ATP8B2: variants seen among roughly 807,000 people sequenced by gnomAD.
The protein encoded by ATP8B2 is ATPase phospholipid transporting 8B2.
In ATP8B2, 70 loss-of-function variants were observed where a neutral mutation model predicts 133.4. The ratio of observed to expected loss-of-function variants is 0.52; its 90% CI spans 0.43 to 0.64. The LOEUF (loss-of-function observed/expected upper bound fraction) is 0.64, where lower values mean the gene tolerates loss of function less well. Among genes scored for constraint, ATP8B2 ranks in the 30% least tolerant of loss-of-function variants. The pLI is 0.00. For missense variants in ATP8B2, 1,101 were observed against 1,535.7 expected, an observed-to-expected ratio of 0.72 and a Z score of 4.73; for synonymous variants, 517 against 589.5, an observed-to-expected ratio of 0.88 and a Z score of 1.78.
At chr1:154,341,257 G>A in intron 13 of ATP8B2, 195 bp downstream of exon 13, 4 of 662,346 alleles carry the variant, frequency 6.0e-6, no homozygotes, top group South Asian at 3.3e-5. Flanking sequence ...GGCTGAGGTG[G>A]GAGGATTGCT....
At chr1:154,341,864 C>A (rs922897431) in intron 13 of ATP8B2, 3 of 153,698 alleles carry the variant, frequency 2.0e-5, no homozygotes, top group Admixed American at 1.9e-4. Context: ...CTGGTCTCAG[C>A]TCCAGGAATT....
Position 154,343,322 on chromosome 1 carries a change from C to T in ATP8B2, c.1642+21C>T. On this transcript the variant is annotated intron_variant, in intron 16 of 27. Transcript: ENST00000368489. This position sits in a 1 kb window ranked among gnomAD's most constrained non-coding sequence, Gnocchi z 5.8. ...CATAGGTGAGGCCAGGCCTGGGGTG[C>T]TGGGGCGTTTGGGGACAGCATTCAG... 6.2e-7 allele frequency: 1 copy of T among 1,612,476 alleles called. No homozygotes were observed. The highest frequency in any genetic ancestry group is 8.5e-7 in the Non-Finnish European group (1 of 1,178,992).
Position 154,343,115 on chromosome 1 carries a change from G to A in ATP8B2, c.1456G>A (p.Glu486Lys). The change falls in exon 16 of 28, where the codon GAG becomes AAG. Residue 486 changes from glutamate to lysine, a missense_variant and splice_region_variant. Physicochemically the swap from Glu to Lys is moderately conservative, Grantham distance 56. Transcript: ENST00000368489. The surrounding 1 kb of genome is among the most constrained non-coding windows in gnomAD (Gnocchi z 5.8). ...GTGTATTCTTCCTCCCCACCCAGGA[G>A]AGCTGTACTACAAAGCTCAGTCCCC... ...TVMSEEKNEG[E>K]LYYKAQSPDE... 1.9e-6 allele frequency: 3 copies of A among 1,613,348 alleles called. No homozygotes were observed. Among genetic ancestry groups the A allele is most frequent in the South Asian group, 1.1e-5 (1 of 91,024 alleles).
chr1:154,340,636 G>C lies in ATP8B2; in HGVS notation c.1035-218G>C, dbSNP rs1281648312. 8 of 586,784 alleles carry C rather than the reference G, an allele frequency of 1.4e-5. No homozygotes were observed. Among genetic ancestry groups the C allele is most frequent in the Non-Finnish European group, 2.5e-5 (8 of 320,634 alleles). The allele number at this position is 586,784 out of a possible 1,614,324, so 36.3% of individuals were successfully genotyped here. A position where few individuals can be genotyped will look rare whatever the true frequency, so the allele number is the denominator to read the frequency against. ...GGCCCTTTGCACCTTCTTGTCTGGAGAGCATCAGGAGGGTCGGGTCGGGGC... is the reference window on the plus strand; with the variant it reads ...GGCCCTTTGCACCTTCTTGTCTGGACAGCATCAGGAGGGTCGGGTCGGGGC... On this transcript the variant is annotated intron_variant, in intron 12 of 27. Transcript: ENST00000368489. This position sits in a 1 kb window ranked among gnomAD's most constrained non-coding sequence, Gnocchi z 4.0.
chr1:154,340,848 G>T lies in ATP8B2; in HGVS notation c.1035-6G>T, dbSNP rs1323229931. On this transcript the variant is annotated splice_region_variant and splice_polypyrimidine_tract_variant and intron_variant, in intron 12 of 27. Transcript: ENST00000368489. The surrounding 1 kb of genome is among the most constrained non-coding windows in gnomAD (Gnocchi z 4.0). ...ACCCAAGCCTCACCTCTTGTCCCCT[G>T]TGCAGTGTGGAGGTCATCCGTCTGG... 6.2e-7 allele frequency: 1 copy of T among 1,613,978 alleles called. No individual in the cohort carries two copies. The highest frequency in any genetic ancestry group is 1.3e-5 in the African/African-American group (1 of 74,920).
chr1:154,337,287 G>A lies in ATP8B2; in HGVS notation c.838-61G>A, dbSNP rs966527660. The A allele has an allele frequency of 2.6e-6, 4 of 1,548,210 alleles. No individual in the cohort carries two copies. In the African/African-American group the frequency reaches 5.5e-5, roughly 21 times the overall value. ...CTCAAGGGATGAATACATCACAGAT[G>A]CACTTGGTTTTGAGGGCTTCCTACA... On this transcript the variant is annotated intron_variant, in intron 11 of 27. Coordinates refer to ENST00000368489, the MANE Select transcript of ATP8B2 (RefSeq NM_001370597.1).
intron 1 of ATP8B2, among the ~76,000 whole-genome samples, chr1:154,326,203 C>T (rs952533376): frequency 6.6e-6 from 1 of 152,114 alleles, no homozygotes; most frequent in African/African-American, 2.4e-5. Context: ...GCCGGGAGCC[C>T]TGAGTTCTGT....
chr1:154,343,823 C>T lies in ATP8B2; in HGVS notation c.1759-70C>T. 2.0e-6 allele frequency: 3 copies of T among 1,513,082 alleles called. No homozygotes were observed. Among genetic ancestry groups the T allele is most frequent in the East Asian group, 2.3e-5 (1 of 44,198 alleles). 93.7% of individuals were successfully genotyped at this position (1,513,082 alleles called of 1,614,324 possible). On this transcript the variant is annotated intron_variant, in intron 17 of 27. Coordinates refer to ENST00000368489, the MANE Select transcript of ATP8B2 (RefSeq NM_001370597.1). The surrounding 1 kb of genome is among the most constrained non-coding windows in gnomAD (Gnocchi z 5.8). ...ACCCAGTCTACAGTGCAGGATTATT[C>T]ATTGTCGCCCTCACGCTGTCCATTA... is the stretch of plus-strand genomic sequence containing the variant.
chr1:154,338,524 G>A (rs1686269292), intron 12 of ATP8B2, among the ~76,000 whole-genome samples: 1 of 152,118 alleles, frequency 6.6e-6, no homozygotes, highest in African/African-American at 2.4e-5. Context: ...GCCAGGTGTG[G>A]TGGTGGTTGC....
intron 27 of ATP8B2, 22 bp downstream of exon 27, chr1:154,348,560 T>G: frequency 6.2e-7 from 1 of 1,610,720 alleles, no homozygotes; most frequent in Non-Finnish European, 8.5e-7. Flanking sequence ...GGCTACCTGC[T>G]GTGGGAGGCA....
In ATP8B2 at chr1:154,348,445, G is replaced by A; in HGVS notation, c.3201G>A (p.Trp1067Ter). The stretch of plus-strand genomic sequence containing the variant: ...ACACCTTGGCCCAGCCCACGGTGTG[G>A]CTGACCATTGTGCTCACCACAGTCG... ...AQNTLAQPTV[W>*]LTIVLTTVVC... Residue 1067 changes from tryptophan (W) to a stop codon, truncating the protein, a stop_gained, in exon 27 of 28, where the codon TGG becomes TGA. Coordinates refer to ENST00000368489, the MANE Select transcript of ATP8B2 (RefSeq NM_001370597.1). LOFTEE classifies it high-confidence loss of function. 2 of 1,613,486 alleles carry A rather than the reference G, an allele frequency of 1.2e-6. No homozygotes were observed. Among genetic ancestry groups the A allele is most frequent in the Non-Finnish European group, 1.7e-6 (2 of 1,179,476 alleles).
At chr1:154,348,301 C>CTT in intron 26 of ATP8B2, 107 bp from the exon 27 acceptor site, 1 of 1,270,094 alleles carries the variant, frequency 7.9e-7, no homozygotes, top group South Asian at 1.7e-5. Context: ...AGCGGGAAGC[C>CTT]AGAGGTGACT....
chr1:154,343,249 G>A lies in ATP8B2; in HGVS notation c.1590G>A (p.Gln530=). The part of the protein sequence containing the change: ...VHEMGTAITY[Q]LLAILDFNNI... ...AGATGGGCACAGCCATCACCTACCA[G>A]CTGCTGGCCATCCTGGACTTCAACA... Residue 530 remains glutamine (Q), a synonymous_variant, in exon 16 of 28, where the codon CAG becomes CAA. Coordinates refer to ENST00000368489, the MANE Select transcript of ATP8B2 (RefSeq NM_001370597.1). The surrounding 1 kb of genome is among the most constrained non-coding windows in gnomAD (Gnocchi z 5.8). 1 of 1,614,118 alleles carries A rather than the reference G, an allele frequency of 6.2e-7. No homozygotes were observed.
At chr1:154,347,364 G>A (rs568362637) in intron 26 of ATP8B2, among the ~76,000 whole-genome samples, 1 of 152,284 alleles carries the variant, frequency 6.6e-6, no homozygotes, top group African/African-American at 2.4e-5. Context: ...GTGGGGGTGT[G>A]GAATGAGTCA....
rs779019776 is a variant in ATP8B2 at position 154,332,042 on chromosome 1, T to A, written c.509+18T>A. ...CTTGATGGGTAAGTGGCATGCTCAG[T>A]GTCAGCCCTCTCCTTCTGTCTCTTT... On this transcript the variant is annotated intron_variant, in intron 8 of 27. Coordinates refer to ENST00000368489, the MANE Select transcript of ATP8B2 (RefSeq NM_001370597.1). 4 of 1,605,926 alleles carry A rather than the reference T, an allele frequency of 2.5e-6. No homozygotes were observed. The Admixed American group carries it at 6.7e-5, about 27-fold the overall frequency.
Position 154,331,950 on chromosome 1 carries a change from C to T in ATP8B2, c.439-4C>T, listed in dbSNP as rs752043777. 5.0e-6 allele frequency: 8 copies of T among 1,613,638 alleles called. No homozygotes were observed. The highest frequency in any genetic ancestry group is 3.3e-5 in the South Asian group (3 of 91,062). On this transcript the variant is annotated splice_polypyrimidine_tract_variant and splice_region_variant and intron_variant, in intron 7 of 27. Coordinates refer to ENST00000368489, the MANE Select transcript of ATP8B2 (RefSeq NM_001370597.1). The surrounding 1 kb of genome is among the most constrained non-coding windows in gnomAD (Gnocchi z 4.8). Reference sequence around the variant, plus strand: ...TTGGACTTCTCATTAGTTTTTCTCTCTAGGCGGATCTCCTCCTCCTTTCCA... The same window carrying T: ...TTGGACTTCTCATTAGTTTTTCTCTTTAGGCGGATCTCCTCCTCCTTTCCA...
rs539432958 is a variant in ATP8B2 at position 154,328,769 on chromosome 1, G to A, written c.31+597G>A. ...AGCGCACGCTGGCATCCGCCGGGGG[G>A]CATGGGGGGCGGCGGCGGCGGCGCA... On this transcript the variant is annotated intron_variant, in intron 2 of 27. Coordinates refer to ENST00000368489, the MANE Select transcript of ATP8B2 (RefSeq NM_001370597.1). This position sits in a 1 kb window ranked among gnomAD's most constrained non-coding sequence, Gnocchi z 4.6. The A allele has an allele frequency of 1.0e-5, 10 of 999,812 alleles. No individual in the cohort carries two copies. The highest frequency in any genetic ancestry group is 5.1e-4 in the Middle Eastern group (1 of 1,978). 61.9% of individuals were successfully genotyped at this position (999,812 alleles called of 1,614,324 possible). A position where few individuals can be genotyped will look rare whatever the true frequency, so the allele number is the denominator to read the frequency against.
At chr1:154,330,302 T>G in intron 2 of ATP8B2, 94 bp from the exon 3 acceptor site, 1 of 1,123,782 alleles carries the variant, frequency 8.9e-7, no homozygotes, top group Non-Finnish European at 1.3e-6. Flanking sequence ...CTCCTTAAAA[T>G]GATATTCTGT....
Position 154,328,413 on chromosome 1 carries a change from C to T in ATP8B2, c.31+241C>T, listed in dbSNP as rs984001745. On this transcript the variant is annotated intron_variant, in intron 2 of 27. Transcript: ENST00000368489. This position sits in a 1 kb window ranked among gnomAD's most constrained non-coding sequence, Gnocchi z 4.6. ...CGCCCCGAAACACCTGCAGTCTTATCTTCGGGCACCTGCAGCTCCTGCTTT... is the reference window on the plus strand; with the variant it reads ...CGCCCCGAAACACCTGCAGTCTTATTTTCGGGCACCTGCAGCTCCTGCTTT... Among the ~76,000 whole-genome samples, 1 of 152,206 alleles carries T rather than the reference C, an allele frequency of 6.6e-6. No homozygotes were observed. Among genetic ancestry groups the T allele is most frequent in the Non-Finnish European group, 1.5e-5 (1 of 68,040 alleles).
Sources: allele counts gnomAD v4.1 joint callset (sites outside exome capture counted in the v4.1 genomes callset), GRCh38; gene constraint gnomAD v4.1.1; non-coding constraint Gnocchi (gnomAD v3.1); transcripts MANE v1.5; gene names NCBI Gene and HGNC (gene_info 2026-07-23, HGNC 2026-07-21).